The following C1orf87 variants were observed in gnomAD, a reference collection of about 807,000 sequenced individuals.
The protein encoded by C1orf87 is chromosome 1 open reading frame 87, also known as uncharacterized protein C1orf87.
Under a neutral mutation model 60.5 loss-of-function variants are expected in C1orf87, and 58 were observed. The observed-to-expected ratio is 0.96, with a 90% CI of 0.78 to 1.19. The LOEUF (loss-of-function observed/expected upper bound fraction) is 1.19, where lower values mean the gene tolerates loss of function less well. Ranked by LOEUF, C1orf87 falls within the 50% of genes most tolerant of loss-of-function variation. The probability of loss-of-function intolerance (pLI) is 0.00; values close to 1 mark genes in which losing one functional copy is unlikely to be tolerated. For synonymous variants in C1orf87, 236 were observed against 227.4 expected (o/e 1.04, Z -0.34); for missense variants, 673 against 638.6 (o/e 1.05, Z -0.58).
intron 2 of C1orf87, among the ~76,000 whole-genome samples, chr1:60,067,417 G>A (rs1207252018): frequency 1.3e-5 from 2 of 152,150 alleles, no homozygotes; most frequent in African/African-American, 2.4e-5. Context: ...TCTAACTGGT[G>A]TGATATAGTA....
intron 7 of C1orf87, among the ~76,000 whole-genome samples, chr1:60,029,286 C>T (rs1019503967): frequency 5.3e-5 from 8 of 152,132 alleles, no homozygotes; most frequent in Admixed American, 3.9e-4. Flanking sequence ...GGCTTAAACC[C>T]TCATAATTTC....
intron 4 of C1orf87, 112 bp from the exon 5 acceptor site, chr1:60,040,292 C>T (rs1645312884): frequency 1.4e-6 from 2 of 1,380,562 alleles, no homozygotes; most frequent in Admixed American, 2.3e-5. Flanking sequence ...ACTCGCAGTC[C>T]TGGCCTGGAG....
At chr1:60,048,958 C>G (rs114436896) in intron 3 of C1orf87, among the ~76,000 whole-genome samples, 1,596 of 151,914 alleles carry the variant, frequency 0.011, 41 homozygotes, top group African/African-American at 0.036. Context: ...TATGGATGTA[C>G]CTTAGTTTAT....
chr1:60,010,954 C>A (rs1184534307), intron 8 of C1orf87: 1 of 152,026 alleles, frequency 6.6e-6, no homozygotes, highest in African/African-American at 2.4e-5. Context: ...ACTGCTTCTG[C>A]CTTTCAAATC....
intron 8 of C1orf87, among the ~76,000 whole-genome samples, chr1:60,013,125 T>C (rs12063297): frequency 0.022 from 3,292 of 152,256 alleles, 118 homozygotes; most frequent in African/African-American, 0.077. Context: ...CATTTTTTCT[T>C]AATTTAGCTT....
intron 3 of C1orf87, among the ~76,000 whole-genome samples, chr1:60,051,558 T>C (rs72669620): frequency 0.13 from 19,481 of 152,188 alleles, 1,586 homozygotes; most frequent in Middle Eastern, 0.25. Flanking sequence ...CCCAACCCAA[T>C]TGAGATAAAT....
chr1:60,046,094 T>A (rs1326806958), intron 3 of C1orf87, among the ~76,000 whole-genome samples: 1 of 149,452 alleles, frequency 6.7e-6, no homozygotes, highest in Non-Finnish European at 1.5e-5. Flanking sequence ...CCTGCTTTTC[T>A]CTCTTTTTTC....
intron 9 of C1orf87, 134 bp downstream of exon 9, chr1:60,010,258 C>G (rs616949): frequency 0.7 from 562,437 of 802,576 alleles, 199,343 homozygotes; most frequent in South Asian, 0.77. Context: ...TTTTCCTTCA[C>G]TGGGGAGCTA....
chr1:60,005,164 ACAT>A (rs1215350598), intron 9 of C1orf87, among the ~76,000 whole-genome samples: 1 of 152,114 alleles, frequency 6.6e-6, no homozygotes, highest in Non-Finnish European at 1.5e-5. Context: ...AGACATTTCC[ACAT>A]CATCTAAAGA....
chr1:59,996,198 A>T (rs1216145365), intron 11 of C1orf87, among the ~76,000 whole-genome samples: 2 of 152,226 alleles, frequency 1.3e-5, no homozygotes, highest in Non-Finnish European at 2.9e-5. Flanking sequence ...GAAAAGACAG[A>T]CATTGCTATT....
intron 10 of C1orf87, among the ~76,000 whole-genome samples, chr1:59,999,286 T>A (rs1192758657): frequency 1.3e-5 from 2 of 152,186 alleles, no homozygotes; most frequent in East Asian, 3.8e-4. Flanking sequence ...CTTAACGGAT[T>A]CCTATAAAAA....
At chr1:60,056,328 C>T (rs1404415414) in intron 2 of C1orf87, among the ~76,000 whole-genome samples, 1 of 152,088 alleles carries the variant, frequency 6.6e-6, no homozygotes, top group Non-Finnish European at 1.5e-5. Flanking sequence ...ATAATTCTTA[C>T]AGTGGGTGAC....
intron 7 of C1orf87, 54 bp from the exon 8 acceptor site, chr1:60,025,552 G>A: frequency 1.5e-6 from 2 of 1,330,918 alleles, no homozygotes; most frequent in Non-Finnish European, 2.1e-6. Context: ...GATACAAAAT[G>A]TTTCAATAGA....
intron 2 of C1orf87, among the ~76,000 whole-genome samples, chr1:60,064,925 T>G (rs1253885560): frequency 1.4e-5 from 1 of 72,304 alleles, no homozygotes; most frequent in Non-Finnish European, 2.5e-5. Flanking sequence ...TTATATTATA[T>G]AATATATAAT....
chr1:60,007,608 G>C (rs1240610326), intron 9 of C1orf87, among the ~76,000 whole-genome samples: 5 of 151,980 alleles, frequency 3.3e-5, no homozygotes, highest in Admixed American at 6.6e-5. Context: ...CTGTCTGGTA[G>C]TTCAGTTTGA....
At chr1:60,012,395 T>C (rs602488) in intron 8 of C1orf87, among the ~76,000 whole-genome samples, 1 of 151,832 alleles carries the variant, frequency 6.6e-6, no homozygotes, top group Non-Finnish European at 1.5e-5. Context: ...GGAAGCAGAT[T>C]GAGGGAAATT....
At chr1:60,051,003 A>C (rs1398423965) in intron 3 of C1orf87, among the ~76,000 whole-genome samples, 1 of 152,194 alleles carries the variant, frequency 6.6e-6, no homozygotes, top group African/African-American at 2.4e-5. Flanking sequence ...GCTGCTATCT[A>C]AGTTGGGACA....
chr1:60,018,530 A>C (rs1204282970), intron 8 of C1orf87, among the ~76,000 whole-genome samples: 1 of 152,020 alleles, frequency 6.6e-6, no homozygotes, highest in Non-Finnish European at 1.5e-5. Flanking sequence ...TTTTTAATCA[A>C]CAAATATCTA....
intron 8 of C1orf87, among the ~76,000 whole-genome samples, chr1:60,019,545 G>A (rs1296151436): frequency 6.6e-6 from 1 of 152,156 alleles, no homozygotes; most frequent in Admixed American, 6.5e-5. Context: ...ATGGGTAAAG[G>A]TTGAAACATT....
Sources: gnomAD v4.1 joint callset for allele counts (sites outside exome capture counted in the v4.1 genomes callset) on GRCh38, gnomAD v4.1.1 for gene constraint, MANE v1.5 for transcripts, NCBI Gene and HGNC (gene_info 2026-07-23, HGNC 2026-07-21) for gene names.